FMN1: variants seen among roughly 807,000 people sequenced by gnomAD.
FMN1 encodes formin 1.
Under a neutral mutation model 132.4 loss-of-function variants are expected in FMN1, and 110 were observed. The observed-to-expected ratio is 0.83, with a 90% CI of 0.71 to 0.97. FMN1 has a LOEUF of 0.97. FMN1 is among the 50% of genes least tolerant of loss of function. The probability of loss-of-function intolerance (pLI) is 0.00; values close to 1 mark genes in which losing one functional copy is unlikely to be tolerated. For synonymous variants in FMN1, 722 were observed against 651.7 expected, an observed-to-expected ratio of 1.11 and a Z score of -1.64; for missense variants, 1,792 against 1,705.3, an observed-to-expected ratio of 1.05 and a Z score of -0.90.
At chr15:33,128,330 T>C (rs1431513649) in intron 4 of FMN1, among the ~76,000 whole-genome samples, 1 of 152,216 alleles carries the variant, frequency 6.6e-6, no homozygotes, top group Non-Finnish European at 1.5e-5. Flanking sequence ...CAACGGGGTC[T>C]GATTCCGGGC....
chr15:33,009,077 G>C (rs2034569079), intron 6 of FMN1, among the ~76,000 whole-genome samples: 1 of 152,192 alleles, frequency 6.6e-6, no homozygotes. Context: ...TGTTGCTGCT[G>C]ATAATTACGG....
chr15:33,046,247 T>G (rs28592093), intron 6 of FMN1, among the ~76,000 whole-genome samples: 34,197 of 152,116 alleles, frequency 0.22, 4,854 homozygotes, highest in Non-Finnish European at 0.31. Context: ...ACATTAGGCC[T>G]GGGAAGCAGC....
chr15:32,852,508 T>C (rs1395577760), intron 17 of FMN1, among the ~76,000 whole-genome samples: 2 of 152,128 alleles, frequency 1.3e-5, no homozygotes, highest in East Asian at 1.9e-4. Flanking sequence ...GCCTCCCAAG[T>C]AGCTGAGACT....
At chr15:33,015,620 C>T (rs983756146) in intron 6 of FMN1, among the ~76,000 whole-genome samples, 1 of 152,100 alleles carries the variant, frequency 6.6e-6, no homozygotes, top group Non-Finnish European at 1.5e-5. Context: ...CTCCTACCCG[C>T]GGATCCTGAT....
intron 17 of FMN1, among the ~76,000 whole-genome samples, chr15:32,805,837 C>G (rs1035265612): frequency 2.6e-5 from 4 of 152,068 alleles, no homozygotes; most frequent in African/African-American, 9.7e-5. Flanking sequence ...TTTTGGCAGT[C>G]TAGGGAAGCC....
rs796183018 is a variant in FMN1 at position 33,184,951 on chromosome 15, C to T, written c.-196-4689G>A. Among the ~76,000 whole-genome samples, 7 of 152,204 alleles carry T rather than the reference C, an allele frequency of 4.6e-5. 1 individual carries two copies. In the South Asian group the frequency reaches 1.2e-3, roughly 27 times the overall value. On this transcript the variant is annotated intron_variant, in intron 2 of 20. Coordinates refer to ENST00000616417, the MANE Select transcript of FMN1 (RefSeq NM_001277313.2). The stretch of plus-strand genomic sequence containing the variant: ...AGTAAATGAAGAGCTGATGAATATG[C>T]TACGTTATATGTGTGCTTATATTGT...
intron 4 of FMN1, among the ~76,000 whole-genome samples, chr15:33,147,265 C>A (rs139763496): frequency 3.3e-5 from 5 of 152,086 alleles, no homozygotes; most frequent in Non-Finnish European, 1.5e-5. Context: ...AATTACAACC[C>A]GAAAAGGTTG....
intron 6 of FMN1, among the ~76,000 whole-genome samples, chr15:33,019,356 C>T (rs993483710): frequency 2.0e-5 from 3 of 152,208 alleles, no homozygotes; most frequent in Non-Finnish European, 4.4e-5. Flanking sequence ...TTGGTGCATT[C>T]ACAATCCCTT....
chr15:32,897,520 CATT>C (rs1237843444), intron 15 of FMN1, among the ~76,000 whole-genome samples: 1 of 152,152 alleles, frequency 6.6e-6, no homozygotes, highest in South Asian at 2.1e-4. Context: ...AGTAAAAACA[CATT>C]AGTAAGAAAG....
chr15:32,972,347 C>G (rs1035040556), intron 7 of FMN1, among the ~76,000 whole-genome samples: 1 of 152,142 alleles, frequency 6.6e-6, no homozygotes, highest in African/African-American at 2.4e-5. Flanking sequence ...CACTTTCCAA[C>G]CCTACCTCTT....
intron 17 of FMN1, among the ~76,000 whole-genome samples, chr15:32,840,475 C>G (rs1468625403): frequency 6.6e-6 from 1 of 152,180 alleles, no homozygotes; most frequent in Non-Finnish European, 1.5e-5. Context: ...ACAGCATGCC[C>G]AAAACCTCTC....
chr15:32,884,588 C>T (rs78925588), intron 16 of FMN1, among the ~76,000 whole-genome samples: 5,418 of 152,232 alleles, frequency 0.036, 122 homozygotes, highest in East Asian at 0.068. Flanking sequence ...GTTTGGACAT[C>T]CTTGGGGGGC....
Position 33,149,798 on chromosome 15 carries a change from T to C in FMN1, c.1867+3250A>G, listed in dbSNP as rs2444982. The C allele has an allele frequency of 0.054, 53,307 of 983,950 alleles. 3,434 individuals carry two copies. The East Asian group carries it at 0.55, about 10-fold the overall frequency. The allele number at this position is 983,950 out of a possible 1,614,324, so 61.0% of individuals were successfully genotyped here. A position where few individuals can be genotyped will look rare whatever the true frequency, so the allele number is the denominator to read the frequency against. On this transcript the variant is annotated intron_variant, in intron 4 of 20. Coordinates refer to ENST00000616417, the MANE Select transcript of FMN1 (RefSeq NM_001277313.2). ...ATGTCGTGACGCTTCTTTACAATTTTATTGGAATTGCATCAAACCTTAATA... is the reference window on the plus strand; with the variant it reads ...ATGTCGTGACGCTTCTTTACAATTTCATTGGAATTGCATCAAACCTTAATA...
intron 9 of FMN1, among the ~76,000 whole-genome samples, chr15:32,929,764 CCTT>C (rs1276544799): frequency 7.8e-6 from 1 of 128,854 alleles, no homozygotes; most frequent in Non-Finnish European, 1.7e-5. Flanking sequence ...GACAAGATTT[CCTT>C]TTTTTTTTTT....
intron 16 of FMN1, among the ~76,000 whole-genome samples, chr15:32,873,101 A>T (rs149565288): frequency 1.8e-4 from 27 of 152,332 alleles, no homozygotes; most frequent in African/African-American, 6.3e-4. Flanking sequence ...TATTTGGCTC[A>T]GACATTTAAA....
At chr15:32,899,892 G>C in intron 14 of FMN1, 87 bp downstream of exon 14, 1 of 1,341,080 alleles carries the variant, frequency 7.5e-7, no homozygotes, top group East Asian at 2.3e-5. Context: ...GAGATAAATG[G>C]AACAATCTGG....
intron 4 of FMN1, chr15:33,151,472 C>CGG: frequency 7.6e-7 from 1 of 1,312,826 alleles, no homozygotes; most frequent in Non-Finnish European, 1.0e-6. Context: ...AGTGGGCTCA[C>CGG]GGTCAGTCTC....
chr15:32,862,405 T>A (rs1185295386), intron 16 of FMN1, among the ~76,000 whole-genome samples: 2 of 152,242 alleles, frequency 1.3e-5, no homozygotes, highest in Non-Finnish European at 2.9e-5. Flanking sequence ...TACTACTAAG[T>A]GATCACTGTG....
intron 11 of FMN1, among the ~76,000 whole-genome samples, chr15:32,909,914 C>T (rs1319450883): frequency 1.3e-5 from 2 of 152,078 alleles, no homozygotes; most frequent in African/African-American, 2.4e-5. Flanking sequence ...CTATAATCCC[C>T]GCTATACTGA....
Sources: gnomAD v4.1 joint callset for allele counts (sites outside exome capture counted in the v4.1 genomes callset) on GRCh38, gnomAD v4.1.1 for gene constraint, MANE v1.5 for transcripts, NCBI Gene and HGNC (gene_info 2026-07-23, HGNC 2026-07-21) for gene names.